The following GCNT1 variants were observed in gnomAD, a reference collection of about 807,000 sequenced individuals.
GCNT1 encodes the protein beta-1,3-galactosyl-O-glycosyl-glycoprotein beta-1,6-N-acetylglucosaminyltransferase.
In GCNT1, 16 loss-of-function variants were observed where a neutral mutation model predicts 26.2. That is an observed-to-expected ratio of 0.61 (90% CI 0.41 to 0.93). The LOEUF (loss-of-function observed/expected upper bound fraction) is 0.93. GCNT1 is among the 40% of genes least tolerant of loss of function. The probability of loss-of-function intolerance (pLI) is 0.00; values close to 1 mark genes in which losing one functional copy is unlikely to be tolerated. For missense variants in GCNT1, 477 were observed against 526.7 expected, an observed-to-expected ratio of 0.91 and a Z score of 0.92; for synonymous variants, 183 against 190.8, an observed-to-expected ratio of 0.96 and a Z score of 0.34.
At chr9:76,473,977 T>C (rs954097115) in intron 2 of GCNT1, among the ~76,000 whole-genome samples, 2 of 152,174 alleles carry the variant, frequency 1.3e-5, no homozygotes, top group African/African-American at 4.8e-5. Flanking sequence ...CATGTGCCTG[T>C]ACTCCCAGCT....
the GCNT1 span, among the ~76,000 whole-genome samples, chr9:76,412,008 G>A: frequency 6.6e-6 from 1 of 151,944 alleles, no homozygotes; most frequent in Non-Finnish European, 1.5e-5. Flanking sequence ...GGCCAATTAT[G>A]CTTCTTTTAA....
chr9:76,413,158 G>A, the GCNT1 span, among the ~76,000 whole-genome samples: 1 of 152,316 alleles, frequency 6.6e-6, no homozygotes, highest in African/African-American at 2.4e-5. Flanking sequence ...CTTTCTTTGT[G>A]TCTCAGCTGA....
chr9:76,398,586 A>G, the GCNT1 span: 4 of 688,942 alleles, frequency 5.8e-6, no homozygotes, highest in Non-Finnish European at 1.0e-5. Context: ...AAATGAGGTG[A>G]AAACTTTTAT....
At chr9:76,394,906 C>T in the GCNT1 span, among the ~76,000 whole-genome samples, 1 of 152,208 alleles carries the variant, frequency 6.6e-6, no homozygotes, top group Admixed American at 6.5e-5. Context: ...TTCACAGAGG[C>T]TTTTCCTGGC....
chr9:76,400,867 G>A, the GCNT1 span, among the ~76,000 whole-genome samples: 4 of 152,192 alleles, frequency 2.6e-5, no homozygotes, highest in African/African-American at 9.6e-5. Flanking sequence ...CCAAGAAAGG[G>A]ATGTGCAGTA....
At chr9:76,400,502 A>G in the GCNT1 span, among the ~76,000 whole-genome samples, 1 of 152,204 alleles carries the variant, frequency 6.6e-6, no homozygotes, top group South Asian at 2.1e-4. Flanking sequence ...AAATCACACT[A>G]AAAGTCATGT....
chr9:76,427,397 C>A (rs1384397784), intron 1 of GCNT1, among the ~76,000 whole-genome samples: 1 of 152,072 alleles, frequency 6.6e-6, no homozygotes, highest in Non-Finnish European at 1.5e-5. Flanking sequence ...CCAGGCTGGT[C>A]TCAAACTCCT....
chr9:76,464,650 A>G (rs1036265618), intron 2 of GCNT1, among the ~76,000 whole-genome samples: 5 of 152,040 alleles, frequency 3.3e-5, no homozygotes, highest in Non-Finnish European at 7.4e-5. Flanking sequence ...GGCTCAAGTG[A>G]TCCTCCCACT....
chr9:76,439,967 G>A (rs1244261884), upstream of GCNT1, among the ~76,000 whole-genome samples: 2 of 152,022 alleles, frequency 1.3e-5, no homozygotes, highest in South Asian at 2.1e-4. Context: ...CGGGCTTGGT[G>A]GTGGGCACCT....
chr9:76,473,388 A>G (rs1042545714), intron 2 of GCNT1, among the ~76,000 whole-genome samples: 1 of 152,182 alleles, frequency 6.6e-6, no homozygotes, highest in African/African-American at 2.4e-5. Flanking sequence ...GAGTATATTG[A>G]AGTATTTGTT....
intron 2 of GCNT1, among the ~76,000 whole-genome samples, chr9:76,464,798 T>G (rs1823958012): frequency 1.3e-5 from 2 of 152,226 alleles, no homozygotes; most frequent in Non-Finnish European, 2.9e-5. Flanking sequence ...ACTTCTTTAG[T>G]TCATCTCTCT....
At chr9:76,498,793 A>C (rs980729096) in intron 2 of GCNT1, among the ~76,000 whole-genome samples, 82 of 151,882 alleles carry the variant, frequency 5.4e-4, no homozygotes, top group Non-Finnish European at 9.6e-4. Context: ...AAAAAAAAGA[A>C]AAAAAGTGTA....
chr9:76,478,242 C>G (rs1267651892), intron 2 of GCNT1, among the ~76,000 whole-genome samples: 4 of 152,206 alleles, frequency 2.6e-5, no homozygotes, highest in East Asian at 3.8e-4. Context: ...GTTGGTCACT[C>G]TTTGCGTCCG....
chr9:76,429,809 G>T (rs1406075944), intron 1 of GCNT1, among the ~76,000 whole-genome samples: 1 of 151,658 alleles, frequency 6.6e-6, no homozygotes, highest in Non-Finnish European at 1.5e-5. Context: ...CCGCCTCCCG[G>T]GTTCCTGCCA....
chr9:76,428,037 C>T (rs371117833), intron 1 of GCNT1, among the ~76,000 whole-genome samples: 90 of 151,826 alleles, frequency 5.9e-4, no homozygotes, highest in African/African-American at 2.0e-3. Context: ...AAGGCCAAGG[C>T]GGGCAAATCA....
intron 1 of GCNT1, among the ~76,000 whole-genome samples, chr9:76,422,231 T>A (rs1273053197): frequency 2.6e-5 from 4 of 152,034 alleles, no homozygotes; most frequent in Non-Finnish European, 5.9e-5. Flanking sequence ...AAATTCAAGA[T>A]GAAATATGAG....
At chr9:76,493,143 C>T (rs1488123326) in intron 2 of GCNT1, among the ~76,000 whole-genome samples, 1 of 152,156 alleles carries the variant, frequency 6.6e-6, no homozygotes, top group African/African-American at 2.4e-5. Flanking sequence ...AATTCATGGG[C>T]TTTTTCCTAA....
chr9:76,426,910 TA>T (rs978558110), intron 1 of GCNT1, among the ~76,000 whole-genome samples: 1 of 152,030 alleles, frequency 6.6e-6, no homozygotes, highest in Non-Finnish European at 1.5e-5. Flanking sequence ...AGACTCCATC[TA>T]AAAAAACAAA....
intron 2 of GCNT1, among the ~76,000 whole-genome samples, chr9:76,490,561 T>C (rs2131629000): frequency 6.6e-6 from 1 of 152,350 alleles, no homozygotes; most frequent in East Asian, 1.9e-4. Context: ...ACTGTTAACG[T>C]TTAGCGAACT....
Sources: allele counts gnomAD v4.1 joint callset (sites outside exome capture counted in the v4.1 genomes callset), GRCh38; gene constraint gnomAD v4.1.1; transcripts MANE v1.5; gene names NCBI Gene and HGNC (gene_info 2026-07-23, HGNC 2026-07-21).